The following PPHLN1 variants were observed in gnomAD, a reference collection of about 807,000 sequenced individuals.
PPHLN1 encodes the protein periphilin 1, also known as periphilin-1.
Under a neutral mutation model 51.3 loss-of-function variants are expected in PPHLN1, and 29 were observed. That is an observed-to-expected ratio of 0.57 (90% CI 0.42 to 0.77). PPHLN1 has a LOEUF of 0.77. PPHLN1 is among the 30% of genes least tolerant of loss of function. PPHLN1 has a pLI of 0.00. For synonymous variants in PPHLN1, 147 were observed against 147.8 expected, an observed-to-expected ratio of 0.99 and a Z score of 0.04; for missense variants, 436 against 438.4, an observed-to-expected ratio of 0.99 and a Z score of 0.05.
At chr12:42,390,231 C>G (rs538252436) in intron 7 of PPHLN1, among the ~76,000 whole-genome samples, 57 of 152,248 alleles carry the variant, frequency 3.7e-4, no homozygotes, top group African/African-American at 1.3e-3. Flanking sequence ...CAACTTGTAT[C>G]TTTGGAACTT....
chr12:42,376,307 A>G (rs751216538), intron 5 of PPHLN1, among the ~76,000 whole-genome samples: 3 of 152,230 alleles, frequency 2.0e-5, no homozygotes, highest in Non-Finnish European at 2.9e-5. Flanking sequence ...GATGAAAGTG[A>G]TGGAAAACCA....
chr12:42,343,602 T>TA (rs375723375), intron 2 of PPHLN1, among the ~76,000 whole-genome samples: 1 of 152,124 alleles, frequency 6.6e-6, no homozygotes, highest in Non-Finnish European at 1.5e-5. Flanking sequence ...TAGTTTTTTT[T>TA]AATGGGAAAA....
chr12:42,365,919 G>A (rs1049555981), intron 4 of PPHLN1, among the ~76,000 whole-genome samples: 1 of 152,118 alleles, frequency 6.6e-6, no homozygotes, highest in African/African-American at 2.4e-5. Context: ...TGAATGCATT[G>A]TATCATATAT....
Position 42,351,887 on chromosome 12 carries a change from T to C in PPHLN1, c.75T>C (p.Asp25=). 1 of 1,547,864 alleles carries C rather than the reference T, an allele frequency of 6.5e-7. No individual in the cohort carries two copies. The highest frequency in any genetic ancestry group is 1.3e-5 in the South Asian group (1 of 77,434). Residue 25 remains aspartate, a splice_region_variant and synonymous_variant, in exon 3 of 10, where the codon GAT becomes GAC. Transcript: ENST00000358314. ...ERAPPRSHPS[D]GYNRLVNIVP... ...ATATTTCTTTTTGTCTGTTTTAGGA[T>C]GGCTACAATAGACTAGTTAATATTG...
At chr12:42,414,668 G>A (rs2080208329) in intron 9 of PPHLN1, among the ~76,000 whole-genome samples, 1 of 152,144 alleles carries the variant, frequency 6.6e-6, no homozygotes, top group Admixed American at 6.5e-5. Flanking sequence ...TCAAATCTGG[G>A]AGTCTTTTGG....
chr12:42,432,150 C>G lies in PPHLN1; in HGVS notation c.910-9165C>G, dbSNP rs761855869. 118 of 999,076 alleles carry G rather than the reference C, an allele frequency of 1.2e-4. 1 individual carries two copies. The highest frequency in any genetic ancestry group is 4.6e-4 in the Admixed American group (27 of 59,308). 61.9% of individuals were successfully genotyped at this position (999,076 alleles called of 1,614,324 possible). A position where few individuals can be genotyped will look rare whatever the true frequency, so the allele number is the denominator to read the frequency against. Reference sequence around the variant, plus strand: ...GCTGTCACGCTGATGTCGGCTGTCTCGATCATCTTCTTCAATGACCAATCA... The same window carrying G: ...GCTGTCACGCTGATGTCGGCTGTCTGGATCATCTTCTTCAATGACCAATCA... On this transcript the variant is annotated intron_variant, in intron 9 of 9. Coordinates refer to ENST00000358314, the MANE Select transcript of PPHLN1 (RefSeq NM_201439.2).
At chr12:42,410,217 C>G (rs1200200071) in intron 9 of PPHLN1, among the ~76,000 whole-genome samples, 2 of 151,280 alleles carry the variant, frequency 1.3e-5, no homozygotes, top group African/African-American at 4.8e-5. Context: ...TTGTGATTGT[C>G]AAAACTGTAA....
chr12:42,403,683 A>G (rs540546411), intron 9 of PPHLN1, among the ~76,000 whole-genome samples: 1 of 152,344 alleles, frequency 6.6e-6, no homozygotes, highest in East Asian at 1.9e-4. Flanking sequence ...AACCATACTT[A>G]AAATGATATG....
intron 4 of PPHLN1, among the ~76,000 whole-genome samples, chr12:42,369,340 T>G (rs529835641): frequency 6.6e-6 from 1 of 152,308 alleles, no homozygotes; most frequent in South Asian, 2.1e-4. Context: ...TCTAGAAGCT[T>G]TATTATGGCT....
intron 9 of PPHLN1, 71 bp downstream of exon 9, chr12:42,399,065 A>G (rs2078555165): frequency 6.5e-7 from 1 of 1,542,066 alleles, no homozygotes. Context: ...CATTTATTGA[A>G]TAAATATGCT....
At chr12:42,356,012 A>G (rs921598869) in intron 4 of PPHLN1, among the ~76,000 whole-genome samples, 1 of 152,216 alleles carries the variant, frequency 6.6e-6, no homozygotes, top group Non-Finnish European at 1.5e-5. Context: ...GATTACTTAC[A>G]GAGGGCATCT....
At chr12:42,409,764 T>C (rs941087070) in intron 9 of PPHLN1, among the ~76,000 whole-genome samples, 26 of 152,120 alleles carry the variant, frequency 1.7e-4, no homozygotes, top group African/African-American at 6.3e-4. Flanking sequence ...CTGTACTGAA[T>C]TGTGTTGCTT....
At chr12:42,437,406 T>A (rs911130402) in intron 9 of PPHLN1, among the ~76,000 whole-genome samples, 2 of 152,238 alleles carry the variant, frequency 1.3e-5, no homozygotes, top group Non-Finnish European at 2.9e-5. Context: ...TTCTGTATTA[T>A]CTTATTTAAT....
intron 7 of PPHLN1, among the ~76,000 whole-genome samples, chr12:42,389,958 A>G (rs1157871607): frequency 6.6e-6 from 1 of 152,190 alleles, no homozygotes; most frequent in Non-Finnish European, 1.5e-5. Context: ...AGCATCTCAA[A>G]ACATAAATCC....
intron 9 of PPHLN1, among the ~76,000 whole-genome samples, chr12:42,409,798 C>T (rs928577239): frequency 6.6e-6 from 1 of 151,902 alleles, no homozygotes; most frequent in Non-Finnish European, 1.5e-5. Flanking sequence ...AGATAATTGA[C>T]GATTATTTAT....
intron 9 of PPHLN1, chr12:42,399,209 T>G: frequency 8.4e-7 from 1 of 1,186,982 alleles, no homozygotes; most frequent in Admixed American, 3.8e-5. Flanking sequence ...AAAAACAGAC[T>G]TCTTTTTTAC....
chr12:42,388,706 C>T (rs2077411060), intron 7 of PPHLN1, among the ~76,000 whole-genome samples: 1 of 152,198 alleles, frequency 6.6e-6, no homozygotes, highest in South Asian at 2.1e-4. Context: ...GCAGGCCACC[C>T]CTTCATGAGA....
intron 7 of PPHLN1, among the ~76,000 whole-genome samples, chr12:42,387,745 C>CTA (rs2077311377): frequency 6.6e-6 from 1 of 152,118 alleles, no homozygotes; most frequent in Non-Finnish European, 1.5e-5. Context: ...AGAGATCAGA[C>CTA]TATTACTGTG....
At chr12:42,348,959 A>G (rs953348919) in intron 2 of PPHLN1, among the ~76,000 whole-genome samples, 4 of 152,216 alleles carry the variant, frequency 2.6e-5, no homozygotes, top group African/African-American at 9.7e-5. Context: ...AATATCTAAC[A>G]TACTAAAGGA....
Sources: gnomAD v4.1 joint callset for allele counts (sites outside exome capture counted in the v4.1 genomes callset) on GRCh38, gnomAD v4.1.1 for gene constraint, MANE v1.5 for transcripts, NCBI Gene and HGNC (gene_info 2026-07-23, HGNC 2026-07-21) for gene names.